Variants in KCNN2 observed in about 807,000 individuals in gnomAD.
KCNN2 encodes the protein potassium calcium-activated channel subfamily N member 2.
A neutral mutation model predicts 55.5 loss-of-function variants in KCNN2; 24 were observed. That is an observed-to-expected ratio of 0.43 (90% CI 0.31 to 0.61). The LOEUF (loss-of-function observed/expected upper bound fraction) is 0.61, where lower values mean the gene tolerates loss of function less well. KCNN2 is among the 20% of genes least tolerant of loss of function. The pLI, the probability that KCNN2 is intolerant of heterozygous loss-of-function variation, is 0.08. For synonymous variants in KCNN2, 431 were observed against 336.1 expected (o/e 1.28, Z -3.09); for missense variants, 754 against 853.6 (o/e 0.88, Z 1.45).
chr5:114,188,639 A>T (rs570130751), intron 1 of KCNN2, among the ~76,000 whole-genome samples: 1 of 152,208 alleles, frequency 6.6e-6, no homozygotes, highest in Non-Finnish European at 1.5e-5. Context: ...TGCAAGATTC[A>T]TATATAAAAC....
intron 1 of KCNN2, among the ~76,000 whole-genome samples, chr5:114,127,388 AT>A (rs1352136678): frequency 3.9e-5 from 6 of 152,274 alleles, no homozygotes; most frequent in African/African-American, 1.4e-4. Flanking sequence ...TGACTTTTGT[AT>A]ACCTGCAGGC....
intron 2 of KCNN2, among the ~76,000 whole-genome samples, chr5:114,314,641 A>G (rs1003585875): frequency 2.0e-5 from 3 of 152,118 alleles, no homozygotes; most frequent in Non-Finnish European, 4.4e-5. Flanking sequence ...CTGAACTAGC[A>G]GAAGATTTTC....
intron 1 of KCNN2, among the ~76,000 whole-genome samples, chr5:114,127,179 T>A (rs1751953181): frequency 6.6e-6 from 1 of 152,094 alleles, no homozygotes; most frequent in Non-Finnish European, 1.5e-5. Flanking sequence ...ATGGTGGCCC[T>A]CTTCTCACAG....
chr5:114,165,847 G>C (rs1446888469), intron 1 of KCNN2, among the ~76,000 whole-genome samples: 3 of 152,070 alleles, frequency 2.0e-5, no homozygotes, highest in African/African-American at 7.2e-5. Flanking sequence ...AAGTTTTGGA[G>C]AAGCCAAAAG....
intron 2 of KCNN2, among the ~76,000 whole-genome samples, chr5:114,268,991 C>T (rs1276645198): frequency 6.6e-6 from 1 of 151,776 alleles, no homozygotes; most frequent in South Asian, 2.1e-4. Flanking sequence ...GCACGGGTCC[C>T]TCCAATTGAT....
chr5:114,385,519 G>GTGCA (rs1554085086), intron 2 of KCNN2, among the ~76,000 whole-genome samples: 2 of 143,354 alleles, frequency 1.4e-5, no homozygotes, highest in African/African-American at 2.6e-5. Flanking sequence ...ACACATGCGC[G>GTGCA]CACACACACA....
chr5:114,486,806 A>AAGAT (rs1273818765), intron 5 of KCNN2: 2 of 1,341,442 alleles, frequency 1.5e-6, no homozygotes, highest in Admixed American at 2.4e-5. Flanking sequence ...CTGAAGGAGT[A>AAGAT]AGATAGAATT....
At chr5:114,267,610 G>T (rs998204822) in intron 2 of KCNN2, among the ~76,000 whole-genome samples, 12 of 152,036 alleles carry the variant, frequency 7.9e-5, no homozygotes, top group African/African-American at 2.4e-4. Context: ...ATTTCCCTTG[G>T]AACAGAATTT....
At chr5:114,082,450 A>G (rs1484913977) in intron 1 of KCNN2, among the ~76,000 whole-genome samples, 4 of 152,224 alleles carry the variant, frequency 2.6e-5, no homozygotes, top group African/African-American at 9.6e-5. Flanking sequence ...AAGTGTTGAC[A>G]TAGATGTTGA....
rs200349155 is a variant in KCNN2, at chr5:114,232,179, A to T, written c.-185+10614A>T. The stretch of plus-strand genomic sequence containing the variant: ...CGAGTTGAAATAGAATGTGGCACAT[A>T]GGAGTAAATTATTCAGGCAAGAGGC... On this transcript the variant is annotated intron_variant, in intron 2 of 10. Coordinates refer to the KCNN2 transcript ENST00000512097. 3.3e-5 allele frequency among the ~76,000 whole-genome samples: 5 copies of T among 150,998 alleles called. No homozygotes were observed. In the East Asian group the frequency reaches 9.6e-4, roughly 29 times the overall value.
chr5:114,464,208 T>C (rs1761337835), intron 4 of KCNN2, among the ~76,000 whole-genome samples: 1 of 152,216 alleles, frequency 6.6e-6, no homozygotes. Context: ...GCTGTGATTA[T>C]AATGTGGTAT....
chr5:114,139,669 C>T (rs1013256015), intron 1 of KCNN2, among the ~76,000 whole-genome samples: 1 of 150,952 alleles, frequency 6.6e-6, no homozygotes, highest in Non-Finnish European at 1.5e-5. Context: ...AACAACTTCC[C>T]CTATGCTTGT....
At chr5:114,411,464 G>A (rs1053900359) in intron 3 of KCNN2, among the ~76,000 whole-genome samples, 2 of 152,046 alleles carry the variant, frequency 1.3e-5, no homozygotes, top group Non-Finnish European at 1.5e-5. Flanking sequence ...TGGTATATGT[G>A]GCTCAGTCCA....
At chr5:114,216,357 T>C (rs1754001241) in intron 1 of KCNN2, among the ~76,000 whole-genome samples, 1 of 152,170 alleles carries the variant, frequency 6.6e-6, no homozygotes. Context: ...TTAATTGATT[T>C]GAATCAGTTG....
chr5:114,232,959 C>T (rs1300563807), intron 2 of KCNN2, among the ~76,000 whole-genome samples: 18 of 70,434 alleles, frequency 2.6e-4, no homozygotes, highest in East Asian at 1.2e-3. Context: ...CTCGCTCTGT[C>T]GCCCAGGCTG....
chr5:114,242,499 C>A (rs1447119205), intron 2 of KCNN2, among the ~76,000 whole-genome samples: 1 of 152,096 alleles, frequency 6.6e-6, no homozygotes, highest in Non-Finnish European at 1.5e-5. Flanking sequence ...TATAGTGACA[C>A]CAGTTGAGAC....
intron 2 of KCNN2, among the ~76,000 whole-genome samples, chr5:114,389,315 C>T (rs1758390560): frequency 6.6e-6 from 1 of 152,064 alleles, no homozygotes; most frequent in South Asian, 2.1e-4. Flanking sequence ...GTCTCTGTGT[C>T]CTTCCTGAAA....
chr5:114,490,081 G>T (rs974614037), intron 6 of KCNN2, among the ~76,000 whole-genome samples: 5 of 152,152 alleles, frequency 3.3e-5, no homozygotes, highest in African/African-American at 1.2e-4. Flanking sequence ...GTCACTTAGT[G>T]TCGTGAAGTG....
chr5:114,166,165 A>G (rs1048244129), intron 1 of KCNN2, among the ~76,000 whole-genome samples: 8 of 152,034 alleles, frequency 5.3e-5, no homozygotes, highest in African/African-American at 1.9e-4. Flanking sequence ...GCTGCTTATC[A>G]AACTTAATTC....
Sources: gnomAD v4.1 joint callset for allele counts (sites outside exome capture counted in the v4.1 genomes callset) on GRCh38, gnomAD v4.1.1 for gene constraint, MANE v1.5 for transcripts, NCBI Gene and HGNC (gene_info 2026-07-23, HGNC 2026-07-21) for gene names.